PTPRQ: variants seen among roughly 807,000 people sequenced by gnomAD.
PTPRQ encodes protein tyrosine phosphatase receptor type Q, also known as phosphatidylinositol phosphatase PTPRQ.
In PTPRQ, 199 loss-of-function variants were observed where a neutral mutation model predicts 246.0. The observed-to-expected ratio is 0.81, with a 90% CI of 0.72 to 0.91. PTPRQ has a LOEUF of 0.91. PTPRQ is among the 40% of genes least tolerant of loss of function. PTPRQ has a pLI of 0.00. For synonymous variants in PTPRQ, 869 were observed against 853.2 expected (o/e 1.02, Z -0.32); for missense variants, 2,624 against 2,528.4 (o/e 1.04, Z -0.81).
At chr12:80,593,047 TATAAA>T (rs1246118189) in intron 26 of PTPRQ, among the ~76,000 whole-genome samples, 8 of 152,064 alleles carry the variant, frequency 5.3e-5, no homozygotes, top group Non-Finnish European at 7.4e-5. Flanking sequence ...TGTTTCATGA[TATAAA>T]ATAAAATAAT....
chr12:80,672,124 CT>C (rs200924646), intron 42 of PTPRQ, among the ~76,000 whole-genome samples: 7 of 151,870 alleles, frequency 4.6e-5, no homozygotes, highest in Admixed American at 4.6e-4. Context: ...CCTGATTCAT[CT>C]TTTTTTCAGT....
At position 80,541,811 on chromosome 12, in the gene PTPRQ, T is replaced by C; in HGVS notation, c.3411T>C (p.Tyr1137=). The C allele has an allele frequency of 1.9e-6, 3 of 1,549,838 alleles. No homozygotes were observed. Among genetic ancestry groups the C allele is most frequent in the Non-Finnish European group, 2.6e-6 (3 of 1,146,148 alleles). Reference sequence around the variant, plus strand: ...CAGAAAAGGGATTCTCTGATACCTATACTGCCCAGCTATACATCAAGACTG... The same window carrying C: ...CAGAAAAGGGATTCTCTGATACCTACACTGCCCAGCTATACATCAAGACTG... ...PSTEKGFSDT[Y]TAQLYIKTEE... The change falls in exon 21 of 45, where the codon TAT becomes TAC. Residue 1137 remains tyrosine, a synonymous_variant. Coordinates refer to ENST00000644991, the MANE Select transcript of PTPRQ (RefSeq NM_001145026.2).
chr12:80,504,939 A>G (rs1045133956), intron 14 of PTPRQ, among the ~76,000 whole-genome samples: 1 of 151,888 alleles, frequency 6.6e-6, no homozygotes, highest in African/African-American at 2.4e-5. Flanking sequence ...GAATGAATGC[A>G]TCACATTGCA....
chr12:80,634,596 T>C (rs911713808), intron 34 of PTPRQ: 5 of 195,454 alleles, frequency 2.6e-5, no homozygotes, highest in Non-Finnish European at 4.1e-5. Flanking sequence ...AGTTCCTTTA[T>C]ATGACAAATC....
chr12:80,674,647 A>C (rs1422057184), intron 43 of PTPRQ, among the ~76,000 whole-genome samples: 1 of 152,208 alleles, frequency 6.6e-6, no homozygotes, highest in Non-Finnish European at 1.5e-5. Flanking sequence ...AACATAAATA[A>C]AATAAGAAAT....
Position 80,549,449 on chromosome 12 carries a change from A to G in PTPRQ, c.4016-16A>G, listed in dbSNP as rs781217292. 1 of 1,530,508 alleles carries G rather than the reference A, an allele frequency of 6.5e-7. No homozygotes were observed. Among genetic ancestry groups the G allele is most frequent in the South Asian group, 1.2e-5 (1 of 80,504 alleles). The allele number at this position is 1,530,508 out of a possible 1,614,324, so 94.8% of individuals were successfully genotyped here. A position where few individuals can be genotyped will look rare whatever the true frequency, so the allele number is the denominator to read the frequency against. ...ATGTATACACTTTAACTTTGGGCAT[A>G]TGTTTATCTCTTAAGTTCCAGATGT... On this transcript the variant is annotated splice_polypyrimidine_tract_variant and intron_variant, in intron 24 of 44. Coordinates refer to ENST00000644991, the MANE Select transcript of PTPRQ (RefSeq NM_001145026.2).
intron 3 of PTPRQ, among the ~76,000 whole-genome samples, chr12:80,455,423 A>G (rs760712015): frequency 6.6e-5 from 10 of 151,972 alleles, no homozygotes; most frequent in Non-Finnish European, 1.3e-4. Context: ...TTTTCTTCCA[A>G]ATCTTCTTGT....
chr12:80,605,321 C>A, intron 27 of PTPRQ, 141 bp downstream of exon 27: 1 of 1,093,290 alleles, frequency 9.1e-7, no homozygotes. Flanking sequence ...TCAATGTCTA[C>A]ATCTGTAAAG....
chr12:80,531,708 T>C (rs1056541073), intron 17 of PTPRQ, among the ~76,000 whole-genome samples: 10 of 152,230 alleles, frequency 6.6e-5, no homozygotes, highest in African/African-American at 2.4e-4. Flanking sequence ...TTCTGAATTG[T>C]TTTAATTAAT....
At chr12:80,479,724 A>G (rs1231510184) in intron 8 of PTPRQ, among the ~76,000 whole-genome samples, 1 of 149,814 alleles carries the variant, frequency 6.7e-6, no homozygotes, top group Non-Finnish European at 1.5e-5. Flanking sequence ...AGGGGTTGCA[A>G]TCCTAGTCTC....
At chr12:80,639,200 A>C (rs1899767457) in intron 35 of PTPRQ, among the ~76,000 whole-genome samples, 1 of 152,214 alleles carries the variant, frequency 6.6e-6, no homozygotes, top group Non-Finnish European at 1.5e-5. Context: ...CTTATAATTA[A>C]ATAACCCAAC....
intron 35 of PTPRQ, among the ~76,000 whole-genome samples, chr12:80,645,813 G>A (rs945276857): frequency 2.0e-5 from 3 of 151,966 alleles, no homozygotes; most frequent in Admixed American, 6.6e-5. Context: ...TGAGAGGGAG[G>A]GATATATAGA....
Position 80,669,394 on chromosome 12 carries a change from A to G in PTPRQ, c.6383A>G (p.Asp2128Gly). Residue 2128 changes from aspartate to glycine, a missense_variant, in exon 41 of 45, where the codon GAT (aspartate) becomes GGT (glycine). Physicochemically the swap from Asp to Gly is moderately conservative, Grantham distance 94 (BLOSUM62 -1). Transcript: ENST00000644991. ...AACAAGCCAGTTACTGTCTTTGGAGATATAGTGATTACAAAGCTAATGGAG... is the reference window on the plus strand; with the variant it reads ...AACAAGCCAGTTACTGTCTTTGGAGGTATAGTGATTACAAAGCTAATGGAG... ...EDNKPVTVFG[D>G]IVITKLMEDV... The G allele has an allele frequency of 6.5e-7, 1 of 1,550,042 alleles. No individual in the cohort carries two copies. Among genetic ancestry groups the G allele is most frequent in the South Asian group, 1.2e-5 (1 of 83,950 alleles).
intron 37 of PTPRQ, among the ~76,000 whole-genome samples, chr12:80,650,204 C>T (rs1216471471): frequency 2.0e-5 from 3 of 151,724 alleles, no homozygotes; most frequent in East Asian, 3.9e-4. Context: ...GTAATGTCCA[C>T]GTTTTACAGG....
intron 37 of PTPRQ, 58 bp downstream of exon 37, chr12:80,649,727 A>G (rs1900195385): frequency 2.0e-6 from 3 of 1,498,380 alleles, no homozygotes; most frequent in Non-Finnish European, 2.7e-6. Context: ...CATGTGTCAC[A>G]TTTCATGTCC....
chr12:80,555,279 C>G (rs952901466), intron 25 of PTPRQ, among the ~76,000 whole-genome samples: 2 of 152,140 alleles, frequency 1.3e-5, no homozygotes, highest in African/African-American at 4.8e-5. Context: ...AGGCTGGTCT[C>G]AAACTCCTGG....
At chr12:80,674,397 A>G (rs1296169784) in intron 43 of PTPRQ, among the ~76,000 whole-genome samples, 1 of 152,176 alleles carries the variant, frequency 6.6e-6, no homozygotes, top group African/African-American at 2.4e-5. Context: ...AATTACAAAG[A>G]TAGAGCCCTA....
At chr12:80,543,041 G>A (rs1319607234) in intron 23 of PTPRQ, among the ~76,000 whole-genome samples, 160 bp downstream of exon 23, 3 of 151,978 alleles carry the variant, frequency 2.0e-5, no homozygotes, top group Non-Finnish European at 4.4e-5. Flanking sequence ...GAAAACACAA[G>A]CAAGCGTTTG....
intron 17 of PTPRQ, among the ~76,000 whole-genome samples, chr12:80,513,647 C>A (rs1366454935): frequency 2.0e-5 from 3 of 152,076 alleles, no homozygotes; most frequent in Non-Finnish European, 4.4e-5. Flanking sequence ...GGCAGAGACC[C>A]GCCCTTCTCT....
Sources: gnomAD v4.1 joint callset for allele counts (sites outside exome capture counted in the v4.1 genomes callset) on GRCh38, gnomAD v4.1.1 for gene constraint, MANE v1.5 for transcripts, NCBI Gene and HGNC (gene_info 2026-07-23, HGNC 2026-07-21) for gene names.